Variants in RNLS observed in about 807,000 individuals in gnomAD.
RNLS encodes renalase, FAD dependent amine oxidase.
A neutral mutation model predicts 39.8 loss-of-function variants in RNLS; 39 were observed. That is an observed-to-expected ratio of 0.98 (90% CI 0.76 to 1.28). The LOEUF (loss-of-function observed/expected upper bound fraction) is 1.28, where lower values mean the gene tolerates loss of function less well. Among genes scored for constraint, RNLS ranks in the 50% most tolerant of loss-of-function variants. The pLI is 0.00. For missense variants in RNLS, 410 were observed against 413.3 expected (o/e 0.99, Z 0.07); for synonymous variants, 147 against 150.7 (o/e 0.98, Z 0.18).
intron 4 of RNLS, among the ~76,000 whole-genome samples, chr10:88,533,817 A>G (rs1847580859): frequency 6.6e-6 from 1 of 152,154 alleles, no homozygotes; most frequent in South Asian, 2.1e-4. Flanking sequence ...GTAGAATCCC[A>G]CAAATAGTCT....
intron 4 of RNLS, among the ~76,000 whole-genome samples, chr10:88,414,068 A>G (rs984900519): frequency 6.6e-6 from 1 of 152,154 alleles, no homozygotes; most frequent in Non-Finnish European, 1.5e-5. Context: ...CATACTTTCC[A>G]TTTTAAAGAC....
intron 4 of RNLS, among the ~76,000 whole-genome samples, chr10:88,438,712 G>T (rs1171071180): frequency 2.6e-5 from 4 of 152,134 alleles, no homozygotes; most frequent in Non-Finnish European, 5.9e-5. Context: ...AAGAATACAG[G>T]TGATAATATT....
At chr10:88,276,012 C>CCA (rs1273201008) in intron 6 of RNLS, among the ~76,000 whole-genome samples, 1 of 152,052 alleles carries the variant, frequency 6.6e-6, no homozygotes, top group Non-Finnish European at 1.5e-5. Flanking sequence ...CATGATCAGG[C>CCA]CACTATACTC....
At chr10:88,414,556 G>T (rs1401580199) in intron 4 of RNLS, among the ~76,000 whole-genome samples, 1 of 152,144 alleles carries the variant, frequency 6.6e-6, no homozygotes, top group Non-Finnish European at 1.5e-5. Flanking sequence ...ATACATTTAT[G>T]GATTTTGCTC....
chr10:88,269,992 C>T (rs1010046962), downstream of RNLS, among the ~76,000 whole-genome samples: 3 of 152,156 alleles, frequency 2.0e-5, no homozygotes, highest in South Asian at 2.1e-4. Context: ...GGACTCCAGG[C>T]GTGCGTGACC....
At chr10:88,559,872 G>A (rs1176022843) in intron 4 of RNLS, among the ~76,000 whole-genome samples, 1 of 151,888 alleles carries the variant, frequency 6.6e-6, no homozygotes, top group Non-Finnish European at 1.5e-5. Context: ...ACAAGTCACC[G>A]AAAACTACGA....
intron 3 of RNLS, among the ~76,000 whole-genome samples, chr10:88,575,587 C>A (rs981081099): frequency 1.3e-4 from 20 of 151,998 alleles, no homozygotes; most frequent in African/African-American, 4.6e-4. Flanking sequence ...AGAAAGGCTT[C>A]CTTTCCAACT....
chr10:88,450,140 G>C (rs1237480522), intron 4 of RNLS, among the ~76,000 whole-genome samples: 1 of 152,128 alleles, frequency 6.6e-6, no homozygotes, highest in Non-Finnish European at 1.5e-5. Flanking sequence ...ACATGATACA[G>C]GACGTAGAAA....
chr10:88,572,060 G>A (rs1162642404), intron 4 of RNLS, among the ~76,000 whole-genome samples: 1 of 152,052 alleles, frequency 6.6e-6, no homozygotes, highest in Non-Finnish European at 1.5e-5. Context: ...CAGGAATCAC[G>A]AAGAAAATCT....
At position 88,314,516 on chromosome 10, in the gene RNLS, C is replaced by A. The variant is rs769510066; in HGVS notation, c.826G>T (p.Gly276Cys). ...VFQQLENILP[G>C]LPQPIATKCQ... ...TTGGTAGCAATTGGCTGAGGCAAAC[C>A]CGGCAAAATGTTTTCCAGCTGCTGG... Residue 276 changes from glycine to cysteine, a missense_variant, in exon 6 of 7, where the codon GGT becomes TGT. By Grantham distance (159) the Gly-to-Cys change is radical. Transcript: ENST00000331772. The A allele has an allele frequency of 1.2e-6, 2 of 1,613,894 alleles. No individual in the cohort carries two copies. Among genetic ancestry groups the A allele is most frequent in the Non-Finnish European group, 1.7e-6 (2 of 1,179,864 alleles).
chr10:88,336,776 G>A (rs1847532157), intron 5 of RNLS, among the ~76,000 whole-genome samples: 1 of 152,210 alleles, frequency 6.6e-6, no homozygotes, highest in South Asian at 2.1e-4. Flanking sequence ...TAGAGGCTAT[G>A]GGACAGGGTA....
chr10:88,546,940 C>G (rs887308082), intron 4 of RNLS, among the ~76,000 whole-genome samples: 1 of 151,640 alleles, frequency 6.6e-6, no homozygotes, highest in Non-Finnish European at 1.5e-5. Context: ...GAAGACTGTA[C>G]CATGTGAATG....
the RNLS span, among the ~76,000 whole-genome samples, chr10:88,232,447 C>T: frequency 3.9e-5 from 6 of 152,138 alleles, no homozygotes; most frequent in Non-Finnish European, 5.9e-5. Context: ...CCCTTTTCTA[C>T]ATCTTTTTCT....
At chr10:88,449,581 C>T (rs11202748) in intron 4 of RNLS, among the ~76,000 whole-genome samples, 25,404 of 152,086 alleles carry the variant, frequency 0.17, 2,401 homozygotes, top group Admixed American at 0.27. Context: ...TCTCATTTGT[C>T]TTTTTGTCAA....
the RNLS span, among the ~76,000 whole-genome samples, chr10:88,221,615 T>C: frequency 6.6e-6 from 1 of 152,220 alleles, no homozygotes; most frequent in Non-Finnish European, 1.5e-5. Context: ...TGAGCATCAA[T>C]TATCACTTAA....
At chr10:88,315,745 T>G (rs911281385) in intron 5 of RNLS, among the ~76,000 whole-genome samples, 3 of 151,782 alleles carry the variant, frequency 2.0e-5, no homozygotes, top group African/African-American at 7.3e-5. Context: ...CAGGTTTTTT[T>G]TTTTTTTTAA....
At chr10:88,452,989 G>A (rs149860428) in intron 4 of RNLS, among the ~76,000 whole-genome samples, 4 of 152,308 alleles carry the variant, frequency 2.6e-5, no homozygotes, top group Admixed American at 1.3e-4. Flanking sequence ...AACAGGCAGA[G>A]GTGCTAGTTG....
rs374145621 is a variant in RNLS at position 88,398,776 on chromosome 10, A to G, written c.527-36051T>C. Among the ~76,000 whole-genome samples the G allele has an allele frequency of 3.4e-3, 521 of 152,126 alleles. 2 individuals carry two copies. The highest frequency in any genetic ancestry group is 0.012 in the African/African-American group (495 of 41,526). On this transcript the variant is annotated intron_variant, in intron 4 of 6. Transcript: ENST00000331772. The stretch of plus-strand genomic sequence containing the variant: ...CAGAACAAACAACCAAAGGGGGGCA[A>G]AAAGATAAATTGGACTTCATCAAAA...
At chr10:88,342,760 A>T (rs1453464025) in intron 5 of RNLS, among the ~76,000 whole-genome samples, 1 of 152,206 alleles carries the variant, frequency 6.6e-6, no homozygotes, top group Non-Finnish European at 1.5e-5. Context: ...TAGAGAACAG[A>T]ATAGACAAAG....
Sources: allele counts gnomAD v4.1 joint callset (sites outside exome capture counted in the v4.1 genomes callset), GRCh38; gene constraint gnomAD v4.1.1; transcripts MANE v1.5; gene names NCBI Gene and HGNC (gene_info 2026-07-23, HGNC 2026-07-21).